Variants in YY1 observed in about 807,000 individuals in gnomAD.
YY1 encodes transcriptional repressor protein YY1.
A neutral mutation model predicts 35.6 loss-of-function variants in YY1; 2 were observed. The observed-to-expected ratio is 0.06, with a 90% CI of 0.02 to 0.18. YY1 has a LOEUF of 0.18. Ranked by LOEUF, YY1 falls within the 10% of genes least tolerant of loss-of-function variation. The pLI, the probability that YY1 is intolerant of heterozygous loss-of-function variation, is 1.00. For synonymous variants in YY1, 268 were observed against 238.9 expected (o/e 1.12, Z -1.12); for missense variants, 322 against 573.4 (o/e 0.56, Z 4.48).
intron 1 of YY1, among the ~76,000 whole-genome samples, chr14:100,252,626 T>G (rs1340962875): frequency 6.6e-6 from 1 of 152,222 alleles, no homozygotes; most frequent in African/African-American, 2.4e-5. Flanking sequence ...CCCCTTTGAA[T>G]CAATGACTGT....
At chr14:100,254,068 T>C (rs183203652) in intron 1 of YY1, among the ~76,000 whole-genome samples, 60 of 152,126 alleles carry the variant, frequency 3.9e-4, no homozygotes, top group African/African-American at 1.3e-3. Context: ...ACTCCTGACC[T>C]CAGGTGATCC....
At chr14:100,254,160 G>C (rs1447668276) in intron 1 of YY1, among the ~76,000 whole-genome samples, 4 of 152,094 alleles carry the variant, frequency 2.6e-5, no homozygotes, top group African/African-American at 9.7e-5. Context: ...AACAAAGAAA[G>C]AAACATATGT....
chr14:100,243,085 C>T (rs929587113), intron 1 of YY1, among the ~76,000 whole-genome samples: 4 of 152,132 alleles, frequency 2.6e-5, no homozygotes, highest in African/African-American at 9.7e-5. Flanking sequence ...GGAATTATTA[C>T]TAAAGAGAAG....
At chr14:100,240,264 G>A (rs1304128784) in intron 1 of YY1, among the ~76,000 whole-genome samples, 1 of 109,324 alleles carries the variant, frequency 9.1e-6, no homozygotes, top group Admixed American at 8.8e-5. Context: ...GCATCAACGG[G>A]CGCGCCCGCC....
In YY1 at chr14:100,276,709, G is replaced by A; in HGVS notation, c.1062+61G>A. On this transcript the variant is annotated intron_variant, in intron 4 of 4. Transcript: ENST00000262238. The surrounding 1 kb of genome is among the most constrained non-coding windows in gnomAD (Gnocchi z 4.1). ...GCCTGTCTGAACACTGCAAGTGTAG[G>A]TGGTGTGGTGATGAGGCAGGAGGCG... The A allele has an allele frequency of 6.2e-7, 1 of 1,609,436 alleles. No individual in the cohort carries two copies. The highest frequency in any genetic ancestry group is 8.5e-7 in the Non-Finnish European group (1 of 1,176,984).
At chr14:100,250,861 C>T (rs1890914460) in intron 1 of YY1, among the ~76,000 whole-genome samples, 1 of 150,542 alleles carries the variant, frequency 6.6e-6, no homozygotes. Context: ...AAAAAAAGGC[C>T]AGGCATGGTG....
At chr14:100,273,892 C>G (rs2146103) in intron 2 of YY1, among the ~76,000 whole-genome samples, 1 of 151,890 alleles carries the variant, frequency 6.6e-6, no homozygotes, top group Non-Finnish European at 1.5e-5. Context: ...AGGTAAGTTA[C>G]CAAACCAGGA....
Sources: allele counts gnomAD v4.1 joint callset (sites outside exome capture counted in the v4.1 genomes callset), GRCh38; gene constraint gnomAD v4.1.1; non-coding constraint Gnocchi (gnomAD v3.1); transcripts MANE v1.5; gene names NCBI Gene and HGNC (gene_info 2026-07-23, HGNC 2026-07-21).